Variants in ATP6V0A1 observed in about 807,000 individuals in gnomAD.
ATP6V0A1 encodes V-type proton ATPase 116 kDa subunit a 1.
In ATP6V0A1, 43 loss-of-function variants were observed where a neutral mutation model predicts 105.4. That is an observed-to-expected ratio of 0.41 (90% CI 0.32 to 0.53). The LOEUF (loss-of-function observed/expected upper bound fraction) is 0.53, where lower values mean the gene tolerates loss of function less well. Among genes scored for constraint, ATP6V0A1 ranks in the 20% least tolerant of loss-of-function variants. ATP6V0A1 has a pLI of 0.30. For synonymous variants in ATP6V0A1, 362 were observed against 372.8 expected (o/e 0.97, Z 0.33); for missense variants, 676 against 1,051.1 (o/e 0.64, Z 4.93).
chr17:42,482,938 C>G, intron 8 of ATP6V0A1, 100 bp from the exon 9 acceptor site: 1 of 522,676 alleles, frequency 1.9e-6, no homozygotes, highest in Non-Finnish European at 2.9e-6. Flanking sequence ...ATACATCGGT[C>G]TGACCTAATC....
At chr17:42,494,942 C>G (rs1430222472) in intron 12 of ATP6V0A1, 92 bp from the exon 13 acceptor site, 5 of 1,367,866 alleles carry the variant, frequency 3.7e-6, no homozygotes, top group Non-Finnish European at 5.1e-6. Flanking sequence ...TAAAGTAGTG[C>G]TGGAGAAAGG....
At chr17:42,472,656 G>A (rs541575143) in intron 5 of ATP6V0A1, among the ~76,000 whole-genome samples, 22 of 152,152 alleles carry the variant, frequency 1.4e-4, no homozygotes, top group African/African-American at 4.3e-4. Context: ...CCGGGGAGGC[G>A]GAGGTTGTAG....
intron 14 of ATP6V0A1, among the ~76,000 whole-genome samples, chr17:42,497,300 CAAAAA>C (rs1220778376): frequency 1.7e-5 from 1 of 57,550 alleles, no homozygotes; most frequent in Admixed American, 2.0e-4. Context: ...GACCCTGTCT[CAAAAA>C]AAAAAAAAAA....
intron 21 of ATP6V0A1, chr17:42,520,316 T>G: frequency 2.5e-6 from 1 of 393,700 alleles, no homozygotes; most frequent in Non-Finnish European, 5.1e-6. Flanking sequence ...CCAAGCAGCC[T>G]CGCTCTGCTT....
At chr17:42,513,663 T>C (rs1456706576) in intron 19 of ATP6V0A1, 198 bp from the exon 20 acceptor site, 1 of 582,426 alleles carries the variant, frequency 1.7e-6, no homozygotes, top group African/African-American at 1.9e-5. Context: ...GGCAGGATTT[T>C]TGGGGAAGGC....
intron 19 of ATP6V0A1, among the ~76,000 whole-genome samples, chr17:42,509,185 G>A (rs1428704075): frequency 6.6e-6 from 1 of 151,926 alleles, no homozygotes. Flanking sequence ...CATCCCAAAG[G>A]AAATAATCCA....
In ATP6V0A1 at chr17:42,498,928, G is replaced by A. The variant is rs767604668; in HGVS notation, c.1565G>A (p.Trp522Ter). The change falls in exon 15 of 22, where the codon TGG (tryptophan) becomes TAG (stop). Residue 522 changes from tryptophan (W) to a stop codon, truncating the protein, a stop_gained. Coordinates refer to ENST00000343619, the MANE Select transcript of ATP6V0A1 (RefSeq NM_001130021.3). LOFTEE classifies it high-confidence loss of function. ...TGTTTTCTCGGGTTATGACAGATTTGGAACATTGCTACCAATAAACTGACG... is the reference window on the plus strand; with the variant it reads ...TGTTTTCTCGGGTTATGACAGATTTAGAACATTGCTACCAATAAACTGACG... Reference protein sequence around the residue: ...GPYPFGIDPIWNIATNKLTFL... With the variant: ...GPYPFGIDPI The A allele has an allele frequency of 6.2e-7, 1 of 1,602,216 alleles. No homozygotes were observed. The highest frequency in any genetic ancestry group is 1.1e-5 in the South Asian group (1 of 90,616).
chr17:42,486,879 G>A (rs1190195845), intron 9 of ATP6V0A1, among the ~76,000 whole-genome samples: 1 of 152,210 alleles, frequency 6.6e-6, no homozygotes, highest in East Asian at 1.9e-4. Flanking sequence ...ACCTACATTT[G>A]TTGTGCCTTG....
At chr17:42,483,176 A>G (rs2089733979) in intron 9 of ATP6V0A1, 45 bp downstream of exon 9, 3 of 1,354,830 alleles carry the variant, frequency 2.2e-6, no homozygotes, top group Admixed American at 2.4e-5. Context: ...AAATACTGGA[A>G]TACGAGACCA....
intron 19 of ATP6V0A1, among the ~76,000 whole-genome samples, chr17:42,509,312 A>T (rs766405638): frequency 5.9e-5 from 9 of 152,110 alleles, no homozygotes; most frequent in Non-Finnish European, 1.0e-4. Flanking sequence ...GCTCAGCAGT[A>T]ATTCACTTAG....
At chr17:42,482,446 C>T (rs952819022) in intron 8 of ATP6V0A1, among the ~76,000 whole-genome samples, 6 of 152,054 alleles carry the variant, frequency 3.9e-5, no homozygotes, top group Admixed American at 3.9e-4. Context: ...TGCACCTGGT[C>T]TAGGGGCAGA....
At chr17:42,500,091 A>G (rs1346334689) in intron 15 of ATP6V0A1, among the ~76,000 whole-genome samples, 1 of 148,694 alleles carries the variant, frequency 6.7e-6, no homozygotes, top group Non-Finnish European at 1.5e-5. Context: ...AAAAAAAAAA[A>G]AAAGTTATGA....
intron 8 of ATP6V0A1, chr17:42,480,993 C>G (rs2089430350): frequency 6.9e-6 from 2 of 288,592 alleles, no homozygotes; most frequent in South Asian, 9.0e-5. Flanking sequence ...ATGATCACGG[C>G]TCACGGCAGC....
At chr17:42,495,915 A>G (rs770296480) in intron 14 of ATP6V0A1, 199 bp downstream of exon 14, 85 of 491,938 alleles carry the variant, frequency 1.7e-4, no homozygotes, top group Admixed American at 6.0e-4. Flanking sequence ...TCTACTAAAA[A>G]TAAAATATTA....
At chr17:42,489,029 A>G (rs1254699894) in intron 10 of ATP6V0A1, among the ~76,000 whole-genome samples, 1 of 147,676 alleles carries the variant, frequency 6.8e-6, no homozygotes, top group South Asian at 2.1e-4. Context: ...AAAAAAAAAA[A>G]GTGGGTCACC....
chr17:42,494,129 G>A (rs1022598344), intron 11 of ATP6V0A1, among the ~76,000 whole-genome samples: 2 of 151,906 alleles, frequency 1.3e-5, no homozygotes, highest in Admixed American at 6.6e-5. Flanking sequence ...TGTAATCCCA[G>A]CTACTCAAGA....
At chr17:42,491,518 T>G (rs1390721528) in intron 11 of ATP6V0A1, among the ~76,000 whole-genome samples, 1 of 150,376 alleles carries the variant, frequency 6.6e-6, no homozygotes, top group Non-Finnish European at 1.5e-5. Context: ...AGATTTACTC[T>G]CGTTGCCCAG....
At chr17:42,487,842 A>G (rs1280100121) in intron 10 of ATP6V0A1, among the ~76,000 whole-genome samples, 1 of 152,218 alleles carries the variant, frequency 6.6e-6, no homozygotes, top group Non-Finnish European at 1.5e-5. Context: ...TTGACAGCAC[A>G]TTTCATACAT....
intron 19 of ATP6V0A1, among the ~76,000 whole-genome samples, chr17:42,513,164 T>C (rs550887630): frequency 1.1e-4 from 16 of 152,092 alleles, no homozygotes; most frequent in Non-Finnish European, 1.9e-4. Context: ...ACTGGAGATA[T>C]GCTATTTAGT....
Sources: allele counts gnomAD v4.1 joint callset (sites outside exome capture counted in the v4.1 genomes callset), GRCh38; gene constraint gnomAD v4.1.1; transcripts MANE v1.5; gene names NCBI Gene and HGNC (gene_info 2026-07-23, HGNC 2026-07-21).